The following GP6 variants were observed in gnomAD, a reference collection of about 807,000 sequenced individuals.
GP6 encodes the protein glycoprotein VI platelet, also known as platelet glycoprotein VI.
GP6 carries 45 observed loss-of-function variants against 37.3 expected under a neutral mutation model. The ratio of observed to expected loss-of-function variants is 1.21; its 90% CI spans 0.95 to 1.55. The LOEUF (loss-of-function observed/expected upper bound fraction) is 1.55. Among genes scored for constraint, GP6 ranks in the 40% most tolerant of loss-of-function variants. The pLI is 0.00. For missense variants in GP6, 813 were observed against 760.2 expected (o/e 1.07, Z -0.82); for synonymous variants, 340 against 316.4 (o/e 1.07, Z -0.79).
chr19:55,024,345 CATGCACGCACACACACAT>C (rs796741647), intron 5 of GP6, among the ~76,000 whole-genome samples: 32 of 139,348 alleles, frequency 2.3e-4, no homozygotes, highest in East Asian at 4.0e-4. Flanking sequence ...CACACACGCA[CATGCACGCACACACACAT>C]ATGCACGCAC....
At chr19:55,030,669 TAAATA>T (rs1297553631) in intron 3 of GP6, among the ~76,000 whole-genome samples, 2 of 149,960 alleles carry the variant, frequency 1.3e-5, no homozygotes, top group Non-Finnish European at 3.0e-5. Context: ...AAAAAATAAA[TAAATA>T]AGAAAAGAAA....
chr19:55,027,622 T>TC lies in GP6; in HGVS notation c.565_566insG (p.Tyr189Ter). The stretch of plus-strand genomic sequence containing the variant: ...GGGGTCGCTGGGGGCTGACCACAGG[T>TC]ATGGGTCCCTGCTGGAGAAGCTGTA... Residue 189 changes from tyrosine (Y) to a stop codon, truncating the protein, a stop_gained and frameshift_variant, in exon 4 of 8, where the codon TAC becomes TGAC. Transcript: ENST00000310373. LOFTEE classifies it high-confidence loss of function. The TC allele has an allele frequency of 6.2e-7, 1 of 1,613,656 alleles. No individual in the cohort carries two copies. Among genetic ancestry groups the TC allele is most frequent in the Admixed American group, 1.7e-5 (1 of 60,018 alleles).
chr19:55,034,314 T>C (rs529712957), intron 1 of GP6, among the ~76,000 whole-genome samples: 198 of 152,100 alleles, frequency 1.3e-3, no homozygotes, highest in Non-Finnish European at 2.0e-3. Flanking sequence ...CCCAGCACTT[T>C]GGGAGGCCAG....
chr19:55,024,289 T>TGCACACACATGCACGCACACACGCAC, intron 5 of GP6, among the ~76,000 whole-genome samples: 1 of 101,912 alleles, frequency 9.8e-6, no homozygotes, highest in African/African-American at 3.5e-5. Context: ...CACACACACA[T>TGCACACACATGCACGCACACACGCAC]ATGCACGCAT....
intron 1 of GP6, among the ~76,000 whole-genome samples, chr19:55,036,844 C>T (rs973823938): frequency 6.6e-6 from 1 of 152,216 alleles, no homozygotes; most frequent in Non-Finnish European, 1.5e-5. Context: ...AACCCCGCCC[C>T]TACTAAAAAT....
chr19:55,016,123 C>CA (rs2073864249), intron 6 of GP6, among the ~76,000 whole-genome samples: 1 of 150,806 alleles, frequency 6.6e-6, no homozygotes, highest in Non-Finnish European at 1.5e-5. Flanking sequence ...GCCTGGGAAA[C>CA]AGAGCGAGAC....
intron 1 of GP6, among the ~76,000 whole-genome samples, chr19:55,034,417 A>G (rs570191124): frequency 2.7e-4 from 41 of 152,078 alleles, no homozygotes; most frequent in Admixed American, 5.2e-4. Context: ...TTAGCTGGGC[A>G]TGGTGGCACG....
intron 5 of GP6, among the ~76,000 whole-genome samples, chr19:55,024,168 A>G (rs2074184334): frequency 3.9e-5 from 6 of 152,210 alleles, no homozygotes; most frequent in Admixed American, 3.9e-4. Flanking sequence ...AAAAGAGCAC[A>G]TGGGATTCTT....
chr19:55,017,726 G>A (rs913113938), intron 6 of GP6, among the ~76,000 whole-genome samples: 7 of 152,070 alleles, frequency 4.6e-5, no homozygotes, highest in Non-Finnish European at 8.8e-5. Flanking sequence ...TGCATCCTGA[G>A]GGTGATTGGG....
At chr19:55,032,730 T>C (rs2074614724) in intron 1 of GP6, 192 bp from the exon 2 acceptor site, 3 of 682,858 alleles carry the variant, frequency 4.4e-6, no homozygotes, top group Non-Finnish European at 8.0e-6. Context: ...TGAGGTCATT[T>C]ACATGAAATA....
intron 6 of GP6, among the ~76,000 whole-genome samples, chr19:55,016,077 G>C (rs1453199658): frequency 6.6e-6 from 1 of 151,966 alleles, no homozygotes; most frequent in African/African-American, 2.4e-5. Flanking sequence ...GGGAGGTTGA[G>C]GCTGCAGTGA....
At chr19:55,028,707 G>A (rs901986939) in intron 3 of GP6, among the ~76,000 whole-genome samples, 10 of 152,184 alleles carry the variant, frequency 6.6e-5, no homozygotes, top group Non-Finnish European at 1.5e-5. Context: ...ATCATAAGTG[G>A]CAGAGTTGAA....
chr19:55,037,411 C>T (rs997023199), intron 1 of GP6, among the ~76,000 whole-genome samples: 1 of 150,914 alleles, frequency 6.6e-6, no homozygotes, highest in African/African-American at 2.4e-5. Flanking sequence ...GATCTTGGCT[C>T]ACCGCAACCT....
At chr19:55,019,841 C>T (rs2074013328) in intron 5 of GP6, among the ~76,000 whole-genome samples, 1 of 152,010 alleles carries the variant, frequency 6.6e-6, no homozygotes, top group Admixed American at 6.6e-5. Flanking sequence ...CCACGCCTGG[C>T]TAATTTTTTT....
intron 1 of GP6, among the ~76,000 whole-genome samples, chr19:55,033,278 CGTGTTAGACACGGTGGACTCGTTCGTGTT>C (rs2074672641): frequency 3.8e-5 from 1 of 26,128 alleles, no homozygotes. Context: ...TGGACTCGTT[CGTGTTAGACACGGTGGACTCGTTCGTGTT>C]GTGTTAGACA....
chr19:55,029,180 T>G (rs1010902606), intron 3 of GP6, among the ~76,000 whole-genome samples: 1 of 150,520 alleles, frequency 6.6e-6, no homozygotes, highest in African/African-American at 2.4e-5. Flanking sequence ...CTCAGCAATA[T>G]TTTCTCTTAA....
At chr19:55,025,769 A>T (rs1337769328) in intron 4 of GP6, among the ~76,000 whole-genome samples, 1 of 152,054 alleles carries the variant, frequency 6.6e-6, no homozygotes, top group African/African-American at 2.4e-5. Context: ...TGAGAGGCCG[A>T]GGCAGGCAGA....
chr19:55,021,621 C>T (rs62121978), intron 5 of GP6, among the ~76,000 whole-genome samples: 57,153 of 147,626 alleles, frequency 0.39, 11,090 homozygotes, highest in East Asian at 0.6. Flanking sequence ...CCCGGGTTCA[C>T]GCCATTCTCC....
At chr19:55,034,743 A>ACACACT (rs1173593344) in intron 1 of GP6, among the ~76,000 whole-genome samples, 1 of 151,552 alleles carries the variant, frequency 6.6e-6, no homozygotes, top group Non-Finnish European at 1.5e-5. Context: ...ACACACACAC[A>ACACACT]CAAAGGCGGG....
Sources: gnomAD v4.1 joint callset for allele counts (sites outside exome capture counted in the v4.1 genomes callset) on GRCh38, gnomAD v4.1.1 for gene constraint, MANE v1.5 for transcripts, NCBI Gene and HGNC (gene_info 2026-07-23, HGNC 2026-07-21) for gene names.